KCNG3: variants seen among roughly 807,000 people sequenced by gnomAD.
The protein encoded by KCNG3 is voltage-gated potassium channel regulatory subunit KCNG3.
Under a neutral mutation model 29.0 loss-of-function variants are expected in KCNG3, and 15 were observed. That is an observed-to-expected ratio of 0.52 (90% CI 0.35 to 0.80). KCNG3 has a LOEUF of 0.80. Among genes scored for constraint, KCNG3 ranks in the 30% least tolerant of loss-of-function variants. KCNG3 has a pLI of 0.01. For synonymous variants in KCNG3, 322 were observed against 248.9 expected (o/e 1.29, Z -2.76); for missense variants, 512 against 605.7 (o/e 0.85, Z 1.62).
the KCNG3 span, among the ~76,000 whole-genome samples, chr2:42,423,069 T>C: frequency 3.3e-4 from 51 of 152,336 alleles, 1 homozygote; most frequent in African/African-American, 1.2e-3. Context: ...TGGACCACTC[T>C]AGACAGAACC....
At chr2:42,434,159 A>G in the KCNG3 span, among the ~76,000 whole-genome samples, 2 of 152,280 alleles carry the variant, frequency 1.3e-5, no homozygotes, top group South Asian at 4.1e-4. Flanking sequence ...TCATATAGTA[A>G]TACAAGGAAT....
chr2:42,453,520 A>G lies in KCNG3; in HGVS notation c.666-8941T>C, dbSNP rs576790142. On this transcript the variant is annotated intron_variant, in intron 1 of 1. Transcript: ENST00000306078. ...GTATGTCTTCTTTTGAGAAATATCT[A>G]TTCAGATTTTTTGCCCATTTTTAAA... Among the ~76,000 whole-genome samples, 18 of 152,272 alleles carry G rather than the reference A, an allele frequency of 1.2e-4. No individual in the cohort carries two copies. The East Asian group carries it at 3.1e-3, about 26-fold the overall frequency.
the KCNG3 span, among the ~76,000 whole-genome samples, chr2:42,405,914 G>A: frequency 6.6e-6 from 1 of 151,304 alleles, no homozygotes; most frequent in African/African-American, 2.4e-5. Flanking sequence ...CCTAATTTTT[G>A]TATTTTTTAG....
At chr2:42,489,587 G>C (rs753290247) in intron 1 of KCNG3, among the ~76,000 whole-genome samples, 5 of 152,110 alleles carry the variant, frequency 3.3e-5, no homozygotes, top group African/African-American at 4.8e-5. Context: ...AAGGAGTTCA[G>C]GAGGAAACAT....
At chr2:42,471,782 G>T (rs954893678) in intron 1 of KCNG3, among the ~76,000 whole-genome samples, 2 of 151,488 alleles carry the variant, frequency 1.3e-5, no homozygotes, top group African/African-American at 4.9e-5. Context: ...ACTTTGGGAG[G>T]CAGAGGCAGG....
chr2:42,459,121 G>A (rs1267962453), intron 1 of KCNG3, among the ~76,000 whole-genome samples: 3 of 151,772 alleles, frequency 2.0e-5, no homozygotes, highest in Admixed American at 1.3e-4. Context: ...GCTTGAACCC[G>A]GGATGTGGAG....
intron 1 of KCNG3, among the ~76,000 whole-genome samples, chr2:42,467,743 G>A (rs961130741): frequency 6.6e-6 from 1 of 151,654 alleles, no homozygotes; most frequent in African/African-American, 2.4e-5. Context: ...GCCAAGGCAG[G>A]CAGACTGCTT....
At chr2:42,489,717 C>A (rs186295255) in intron 1 of KCNG3, among the ~76,000 whole-genome samples, 25 of 152,238 alleles carry the variant, frequency 1.6e-4, no homozygotes, top group Admixed American at 1.1e-3. Context: ...TTGAGTGGCT[C>A]AGGAAGAAGT....
intron 1 of KCNG3, among the ~76,000 whole-genome samples, chr2:42,483,166 G>T (rs555426086): frequency 6.6e-6 from 1 of 151,918 alleles, no homozygotes; most frequent in South Asian, 2.1e-4. Context: ...TTTTAATTAC[G>T]TTGTTTCCAG....
chr2:42,461,112 G>C (rs1673005575), intron 1 of KCNG3, among the ~76,000 whole-genome samples: 1 of 135,482 alleles, frequency 7.4e-6, no homozygotes, highest in Non-Finnish European at 1.5e-5. Flanking sequence ...AGTGAGCCGA[G>C]ATCACGCCAC....
downstream of KCNG3, among the ~76,000 whole-genome samples, chr2:42,440,904 T>C (rs907943778): frequency 6.6e-6 from 1 of 152,096 alleles, no homozygotes; most frequent in African/African-American, 2.4e-5. Context: ...TGTGGTAAAA[T>C]CAGATTAAAG....
chr2:42,438,233 G>A (rs1013305779), downstream of KCNG3, among the ~76,000 whole-genome samples: 2 of 152,092 alleles, frequency 1.3e-5, no homozygotes, highest in African/African-American at 2.4e-5. Context: ...GTGTAACATA[G>A]GGAGACCCTG....
the KCNG3 span, among the ~76,000 whole-genome samples, chr2:42,416,512 G>GA: frequency 1.7e-4 from 26 of 152,228 alleles, no homozygotes; most frequent in East Asian, 1.2e-3. Context: ...ACCAGATTTT[G>GA]AATGTGCACA....
intron 1 of KCNG3, among the ~76,000 whole-genome samples, chr2:42,474,140 T>C (rs1363944286): frequency 6.6e-6 from 1 of 150,388 alleles, no homozygotes; most frequent in Non-Finnish European, 1.5e-5. Flanking sequence ...TTCTGACTCT[T>C]GGTGATGCTA....
chr2:42,453,321 T>C (rs752500992), intron 1 of KCNG3, among the ~76,000 whole-genome samples: 4 of 152,172 alleles, frequency 2.6e-5, no homozygotes, highest in African/African-American at 4.8e-5. Context: ...CCACTAACAG[T>C]GTATGAGGGA....
intron 1 of KCNG3, among the ~76,000 whole-genome samples, chr2:42,485,792 G>A (rs13030217): frequency 0.25 from 38,637 of 152,074 alleles, 4,995 homozygotes; most frequent in Middle Eastern, 0.36. Context: ...ATGTTAAAAT[G>A]AGAAACAGAA....
the KCNG3 span, among the ~76,000 whole-genome samples, chr2:42,407,088 T>C: frequency 2.0e-5 from 3 of 152,118 alleles, no homozygotes; most frequent in Admixed American, 1.3e-4. Flanking sequence ...TCTCTATTTG[T>C]TGGGTACATG....
chr2:42,493,000 G>A lies in KCNG3; in HGVS notation c.502C>T (p.Leu168=). The A allele has an allele frequency of 1.3e-6, 2 of 1,533,758 alleles. No individual in the cohort carries two copies. The highest frequency in any genetic ancestry group is 1.7e-4 in the Middle Eastern group (1 of 5,718). The change falls in exon 1 of 2, where the codon CTG becomes TTG. Residue 168 remains leucine, a synonymous_variant. Coordinates refer to ENST00000306078, the MANE Select transcript of KCNG3 (RefSeq NM_133329.6). ...ACGCTAGCCAGGATCTGCGCGGCCA[G>A]CGACGACGTGGGCTCCTCGAAGGTC... ...RRTFEEPTSS[L]AAQILASVSV...
In KCNG3 at chr2:42,444,032, TAGG is replaced by T; in HGVS notation, c.1210_1212del (p.Pro404del). On this transcript the variant is annotated inframe_deletion, in exon 2 of 2. Coordinates refer to ENST00000306078, the MANE Select transcript of KCNG3 (RefSeq NM_133329.6). This position sits in a 1 kb window ranked among gnomAD's most constrained non-coding sequence, Gnocchi z 5.8. ...ACAAAGCTATGGTAGATAAAAGTGA[TAGG>T]TAATGCCAATAGAACAATTCCACTG... The T allele has an allele frequency of 6.2e-7, 1 of 1,614,190 alleles. No individual in the cohort carries two copies.
Sources: gnomAD v4.1 joint callset for allele counts (sites outside exome capture counted in the v4.1 genomes callset) on GRCh38, gnomAD v4.1.1 for gene constraint, Gnocchi (gnomAD v3.1) non-coding constraint, MANE v1.5 for transcripts, NCBI Gene and HGNC (gene_info 2026-07-23, HGNC 2026-07-21) for gene names.